The following TRAPPC9 variants were observed in gnomAD, a reference collection of about 807,000 sequenced individuals.
The protein encoded by TRAPPC9 is trafficking protein particle complex subunit 9.
A neutral mutation model predicts 124.0 loss-of-function variants in TRAPPC9; 83 were observed. The ratio of observed to expected loss-of-function variants is 0.67; its 90% confidence interval spans 0.56 to 0.80. The LOEUF is 0.80. TRAPPC9 is among the 30% of genes least tolerant of loss of function. The probability of loss-of-function intolerance (pLI) is 0.00; values close to 1 mark genes in which losing one functional copy is unlikely to be tolerated. For missense variants in TRAPPC9, 1,302 were observed against 1,508.3 expected, an observed-to-expected ratio of 0.86 and a Z score of 2.27; for synonymous variants, 638 against 617.5, an observed-to-expected ratio of 1.03 and a Z score of -0.49.
At chr8:140,031,904 TAGA>T (rs1840519054) in intron 17 of TRAPPC9, among the ~76,000 whole-genome samples, 1 of 152,164 alleles carries the variant, frequency 6.6e-6, no homozygotes. Flanking sequence ...TGGGGACTGT[TAGA>T]AGACCAAGTT....
intron 5 of TRAPPC9, among the ~76,000 whole-genome samples, chr8:140,424,350 A>T (rs1021147995): frequency 3.7e-4 from 54 of 144,212 alleles, no homozygotes; most frequent in South Asian, 6.5e-4. Context: ...AAATTAAATT[A>T]AAAAAAAAAA....
chr8:140,110,136 G>GGCTCTGCTCT (rs145764908), intron 17 of TRAPPC9, among the ~76,000 whole-genome samples: 1 of 150,308 alleles, frequency 6.7e-6, no homozygotes, highest in African/African-American at 2.5e-5. Context: ...TAGACTGCCA[G>GGCTCTGCTCT]GCTCTGCTCT....
intron 7 of TRAPPC9, among the ~76,000 whole-genome samples, chr8:140,389,792 A>G (rs1336979436): frequency 1.3e-5 from 2 of 152,076 alleles, no homozygotes; most frequent in Non-Finnish European, 2.9e-5. Flanking sequence ...TCATTGTAAA[A>G]AAGGATCTAA....
At chr8:140,435,869 T>C (rs919086044) in intron 3 of TRAPPC9, among the ~76,000 whole-genome samples, 2 of 152,332 alleles carry the variant, frequency 1.3e-5, no homozygotes, top group African/African-American at 4.8e-5. Context: ...ACAGTATTCA[T>C]CTCTATCATC....
intron 7 of TRAPPC9, among the ~76,000 whole-genome samples, chr8:140,392,048 A>T (rs992144037): frequency 6.6e-6 from 1 of 152,162 alleles, no homozygotes; most frequent in African/African-American, 2.4e-5. Context: ...AAGAATTAAG[A>T]AAGTGAATTT....
At chr8:139,732,707 C>G (rs189109195) in intron 21 of TRAPPC9, among the ~76,000 whole-genome samples, 1 of 152,336 alleles carries the variant, frequency 6.6e-6, no homozygotes. Flanking sequence ...AGGAGGAATG[C>G]ACAGTGGGCT....
intron 17 of TRAPPC9, among the ~76,000 whole-genome samples, chr8:140,089,299 G>T (rs1432531351): frequency 6.6e-6 from 1 of 152,114 alleles, no homozygotes; most frequent in Non-Finnish European, 1.5e-5. Flanking sequence ...TCTTTCAGAG[G>T]TCAGAAATAC....
intron 19 of TRAPPC9, among the ~76,000 whole-genome samples, chr8:139,918,533 G>A (rs1279537724): frequency 6.6e-6 from 1 of 152,202 alleles, no homozygotes; most frequent in African/African-American, 2.4e-5. Context: ...AGAGCGAGGG[G>A]CCCTCCCCGG....
intron 6 of TRAPPC9, among the ~76,000 whole-genome samples, chr8:140,402,500 C>T (rs771752381): frequency 9.2e-5 from 14 of 151,660 alleles, no homozygotes; most frequent in Non-Finnish European, 1.9e-4. Flanking sequence ...TCAAGACAAG[C>T]CTGGGCAACA....
intron 7 of TRAPPC9, among the ~76,000 whole-genome samples, chr8:140,385,345 C>G (rs1252951781): frequency 6.6e-6 from 1 of 151,980 alleles, no homozygotes; most frequent in Non-Finnish European, 1.5e-5. Flanking sequence ...GAGATAGAGA[C>G]ACAAAAAACC....
chr8:140,393,114 C>G (rs1193700560), intron 7 of TRAPPC9, among the ~76,000 whole-genome samples: 1 of 140,360 alleles, frequency 7.1e-6, no homozygotes, highest in Non-Finnish European at 1.6e-5. Context: ...TCTTGTCACC[C>G]AGGCTGGAGT....
intron 18 of TRAPPC9, among the ~76,000 whole-genome samples, chr8:140,020,521 G>A (rs1839774354): frequency 6.6e-6 from 1 of 152,042 alleles, no homozygotes; most frequent in Admixed American, 6.6e-5. Context: ...TAGCTACTTG[G>A]GAGGCAAGGC....
At chr8:140,019,542 CTTTTTTTTTTT>C (rs71320340) in intron 18 of TRAPPC9, among the ~76,000 whole-genome samples, 815 of 43,914 alleles carry the variant, frequency 0.019, 22 homozygotes, top group African/African-American at 0.07. Flanking sequence ...TAATTTGTGT[CTTTTTTTTTTT>C]TTTTTTTTTT....
intron 17 of TRAPPC9, among the ~76,000 whole-genome samples, chr8:140,033,411 G>A (rs1341157254): frequency 6.6e-6 from 1 of 151,924 alleles, no homozygotes; most frequent in Non-Finnish European, 1.5e-5. Context: ...ATTTTGAGGT[G>A]GGTCATACAT....
chr8:139,827,461 G>A (rs1182400170), intron 21 of TRAPPC9, among the ~76,000 whole-genome samples: 6 of 152,204 alleles, frequency 3.9e-5, no homozygotes, highest in Admixed American at 6.5e-5. Context: ...TGGGGACTCC[G>A]GGAGCAGGGT....
Position 140,080,454 on chromosome 8 carries a change from C to T in TRAPPC9, c.2557-56375G>A, listed in dbSNP as rs76751405. 2.5e-3 allele frequency among the ~76,000 whole-genome samples: 376 copies of T among 152,278 alleles called. 3 individuals are homozygous for T. The East Asian group carries it at 0.03, about 12-fold the overall frequency. On this transcript the variant is annotated intron_variant, in intron 17 of 22. Transcript: ENST00000438773. ...CACAAGCATGGCACTGGCATCTGTT[C>T]GGCTTCTGGTGAGGGCCATGGGCTG...
chr8:139,798,282 G>A (rs1187587152), intron 21 of TRAPPC9, among the ~76,000 whole-genome samples: 3 of 152,176 alleles, frequency 2.0e-5, no homozygotes, highest in African/African-American at 7.2e-5. Context: ...GTAGATGGAA[G>A]TTTCTTAATA....
At chr8:139,933,691 C>T (rs1378329514) in intron 19 of TRAPPC9, 1 of 152,274 alleles carries the variant, frequency 6.6e-6, no homozygotes, top group Admixed American at 6.5e-5. Flanking sequence ...TTTGTCATCC[C>T]TGCCCTTGGC....
intron 21 of TRAPPC9, among the ~76,000 whole-genome samples, chr8:139,852,277 A>T (rs1827530018): frequency 6.6e-6 from 1 of 152,138 alleles, no homozygotes; most frequent in Non-Finnish European, 1.5e-5. Context: ...AGTCTCAGGT[A>T]TGTCTTTATC....
Sources: allele counts gnomAD v4.1 joint callset (sites outside exome capture counted in the v4.1 genomes callset), GRCh38; gene constraint gnomAD v4.1.1; transcripts MANE v1.5; gene names NCBI Gene and HGNC (gene_info 2026-07-23, HGNC 2026-07-21).